GIT2: variants seen among roughly 807,000 people sequenced by gnomAD.
GIT2 encodes the protein ARF GTPase-activating protein GIT2.
In GIT2, 32 loss-of-function variants were observed where a neutral mutation model predicts 100.3. The observed-to-expected ratio is 0.32, with a 90% CI of 0.24 to 0.43. GIT2 has a LOEUF of 0.43. Ranked by LOEUF, GIT2 falls within the 20% of genes least tolerant of loss-of-function variation. The pLI, the probability that GIT2 is intolerant of heterozygous loss-of-function variation, is 1.00. For synonymous variants in GIT2, 353 were observed against 364.1 expected (o/e 0.97, Z 0.35); for missense variants, 737 against 975.1 (o/e 0.76, Z 3.25).
rs1889402074 is a variant in GIT2 at position 109,996,259 on chromosome 12, CG to C, written c.-36del. On this transcript the variant is annotated 5_prime_UTR_variant, in exon 1 of 20. Coordinates refer to ENST00000355312, the MANE Select transcript of GIT2 (RefSeq NM_057169.5). ...CTCCCACCTGCGGGGAACTAGAGGC[CG>C]GGGGACAGCAAAGGCGGCGGTGGCG... The C allele has an allele frequency of 4.8e-6, 7 of 1,471,008 alleles. No homozygotes were observed. The highest frequency in any genetic ancestry group is 2.1e-5 in the Admixed American group (1 of 47,788). 91.1% of individuals were successfully genotyped at this position (1,471,008 alleles called of 1,614,324 possible). A position where few individuals can be genotyped will look rare whatever the true frequency, so the allele number is the denominator to read the frequency against.
intron 13 of GIT2, among the ~76,000 whole-genome samples, chr12:109,952,281 A>G (rs1878088075): frequency 6.6e-6 from 1 of 152,192 alleles, no homozygotes; most frequent in Non-Finnish European, 1.5e-5. Context: ...CCTGGGGGTC[A>G]GCAGAGGGTG....
intron 18 of GIT2, among the ~76,000 whole-genome samples, chr12:109,935,552 C>T (rs776665772): frequency 6.6e-6 from 1 of 152,202 alleles, no homozygotes; most frequent in Non-Finnish European, 1.5e-5. Flanking sequence ...CAGGTTTGCA[C>T]CACCACACCC....
chr12:109,973,859 T>C (rs192803626), intron 7 of GIT2, among the ~76,000 whole-genome samples: 37 of 151,880 alleles, frequency 2.4e-4, no homozygotes, highest in Middle Eastern at 3.4e-3. Context: ...CTGGCCAACA[T>C]GGTAAAACTC....
chr12:109,942,769 G>A (rs1875169090), intron 16 of GIT2: 1 of 152,184 alleles, frequency 6.6e-6, no homozygotes, highest in African/African-American at 2.4e-5. Flanking sequence ...CCTAATAAAT[G>A]CATTTGGTAA....
In GIT2 at chr12:109,979,563, G is replaced by A. The variant is rs545959998; in HGVS notation, c.718+1389C>T. Among the ~76,000 whole-genome samples the A allele has an allele frequency of 1.1e-3, 173 of 152,144 alleles. 1 individual carries two copies. The highest frequency in any genetic ancestry group is 0.01 in the Middle Eastern group (3 of 294). ...GCTGGGATTACAGGCGTGAGCCACC[G>A]CACCCCGCAGAAAAAGGCTTTTTTG... On this transcript the variant is annotated intron_variant, in intron 7 of 19. Coordinates refer to ENST00000355312, the MANE Select transcript of GIT2 (RefSeq NM_057169.5).
In GIT2 at chr12:109,939,143, C is replaced by T. The variant is rs527359414; in HGVS notation, c.1814+22G>A. ...TGGCCCTGGGGAGCCCCTCCCCTGG[C>T]ACGCTCGTCCTGTGCATGTACCCCA... On this transcript the variant is annotated intron_variant, in intron 17 of 19. Transcript: ENST00000355312. The T allele has an allele frequency of 4.2e-4, 642 of 1,521,254 alleles. 8 individuals are homozygous for T. The South Asian group carries it at 6.4e-3, about 15-fold the overall frequency. 94.2% of individuals were successfully genotyped at this position (1,521,254 alleles called of 1,614,324 possible).
chr12:109,956,568 C>T (rs529378687), intron 12 of GIT2, among the ~76,000 whole-genome samples: 1 of 152,092 alleles, frequency 6.6e-6, no homozygotes, highest in African/African-American at 2.4e-5. Flanking sequence ...TTTGAGGTCA[C>T]AAATTTTAGC....
chr12:109,937,264 C>T (rs1873303539), intron 18 of GIT2, among the ~76,000 whole-genome samples: 1 of 151,978 alleles, frequency 6.6e-6, no homozygotes, highest in Admixed American at 6.6e-5. Flanking sequence ...CCCAGTAGTG[C>T]CAGGACTACA....
chr12:109,988,616 G>T (rs543639443), intron 4 of GIT2, among the ~76,000 whole-genome samples: 2 of 152,046 alleles, frequency 1.3e-5, no homozygotes, highest in East Asian at 3.9e-4. Flanking sequence ...ACACTAGGAG[G>T]CCGAGGCAGA....
chr12:109,952,454 TG>T, intron 13 of GIT2: 1 of 517,262 alleles, frequency 1.9e-6, no homozygotes, highest in South Asian at 1.4e-5. Context: ...TCCCCAGACA[TG>T]GCATCCTGGG....
At chr12:109,952,391 A>T (rs1004522782) in intron 13 of GIT2, 11 of 459,152 alleles carry the variant, frequency 2.4e-5, no homozygotes, top group Non-Finnish European at 3.9e-5. Flanking sequence ...GGTGGCCTGC[A>T]TCAGCTCCAG....
At position 109,930,136 on chromosome 12, in the gene GIT2, G is replaced by C. The variant is rs564796251; in HGVS notation, c.*2842C>G. 6.5e-6 allele frequency: 1 copy of C among 152,754 alleles called. No homozygotes were observed. Among genetic ancestry groups the C allele is most frequent in the African/African-American group, 2.4e-5 (1 of 41,570 alleles). 9.5% of individuals were successfully genotyped at this position (152,754 alleles called of 1,614,324 possible). A position where few individuals can be genotyped will look rare whatever the true frequency, so the allele number is the denominator to read the frequency against. On this transcript the variant is annotated 3_prime_UTR_variant, in exon 20 of 20. Transcript: ENST00000355312. ...TTGAGAAGCCGTGCACAGCTCCCGA[G>C]TTGTGCGTTTAGAATTCTGATTACA...
chr12:109,953,178 C>G lies in GIT2; in HGVS notation c.1156G>C (p.Asp386His). 1 of 1,613,962 alleles carries G rather than the reference C, an allele frequency of 6.2e-7. No homozygotes were observed. Among genetic ancestry groups the G allele is most frequent in the African/African-American group, 1.3e-5 (1 of 75,032 alleles). The change falls in exon 13 of 20, where the codon GAC (aspartate) becomes CAC (histidine). Residue 386 changes from aspartate to histidine, a missense_variant. Physicochemically the swap from Asp to His is moderately conservative, Grantham distance 81 (BLOSUM62 -1). Around this residue, in one of 3 missense-constraint regions of GIT2, gnomAD observed 451 missense variants for 543.7 expected, o/e 0.83. Coordinates refer to ENST00000355312, the MANE Select transcript of GIT2 (RefSeq NM_057169.5). ...INNQHSVESQ[D>H]NDQPDYDSVA... is the part of the protein sequence containing the mutation. ...CTGTCATAGTCGGGCTGATCGTTGT[C>G]TTGACTCTCAACGCTGTGCTGGTTA...
chr12:109,981,302 T>C (rs865814404), intron 6 of GIT2: 2 of 374,972 alleles, frequency 5.3e-6, no homozygotes, highest in African/African-American at 2.1e-5. Context: ...CAAAGACTTA[T>C]GAGAGGGAAG....
chr12:109,976,440 A>C (rs1429189820), intron 7 of GIT2, among the ~76,000 whole-genome samples: 2 of 151,040 alleles, frequency 1.3e-5, no homozygotes, highest in African/African-American at 4.9e-5. Context: ...GCCCACCACC[A>C]CGCCCGGCTA....
At chr12:109,989,619 A>T in intron 3 of GIT2, 71 bp downstream of exon 3, 1 of 876,890 alleles carries the variant, frequency 1.1e-6, no homozygotes. Flanking sequence ...CTGACCAAAA[A>T]TAGCTGCACT....
At chr12:109,989,604 G>A (rs964514374) in intron 3 of GIT2, 86 bp downstream of exon 3, 14 of 762,404 alleles carry the variant, frequency 1.8e-5, no homozygotes, top group African/African-American at 5.2e-5. Flanking sequence ...CTGCCCTTGC[G>A]GAGACTGACC....
rs761889029 is a variant in GIT2 at position 109,939,154 on chromosome 12, T to C, written c.1814+11A>G. 6 of 1,571,184 alleles carry C rather than the reference T, an allele frequency of 3.8e-6. No homozygotes were observed. In the South Asian group the frequency reaches 6.6e-5, roughly 17 times the overall value. ...AGCCCCTCCCCTGGCACGCTCGTCC[T>C]GTGCATGTACCCCATGCCATCTGGC... On this transcript the variant is annotated intron_variant, in intron 17 of 19. Coordinates refer to ENST00000355312, the MANE Select transcript of GIT2 (RefSeq NM_057169.5).
chr12:109,933,077 G>A lies in GIT2; in HGVS notation c.2181C>T (p.Asp727=), dbSNP rs181939506. The change falls in exon 20 of 20, where the codon GAC becomes GAT. Residue 727 remains aspartate, a synonymous_variant. Coordinates refer to ENST00000355312, the MANE Select transcript of GIT2 (RefSeq NM_057169.5). This position sits in a 1 kb window ranked among gnomAD's most constrained non-coding sequence, Gnocchi z 4.5. ...TLPGDPGSPT[D]VQLVTQQVIQ... ...TGACCTGCTGCGTGACCAGCTGAAC[G>A]TCTGTGGGTGAGCCGGGGTCCCCTG... is the stretch of plus-strand genomic sequence containing the variant. 48 of 1,613,454 alleles carry A rather than the reference G, an allele frequency of 3.0e-5. No homozygotes were observed. In the East Asian group the frequency reaches 6.5e-4, roughly 22 times the overall value.
Sources: allele counts gnomAD v4.1 joint callset (sites outside exome capture counted in the v4.1 genomes callset), GRCh38; gene constraint gnomAD v4.1.1; regional missense constraint gnomAD v4.1.1; non-coding constraint Gnocchi (gnomAD v3.1); transcripts MANE v1.5; gene names NCBI Gene and HGNC (gene_info 2026-07-23, HGNC 2026-07-21).